SLC1A2: variants seen among roughly 807,000 people sequenced by gnomAD.
SLC1A2 encodes the protein solute carrier family 1 member 2.
SLC1A2 carries 15 observed loss-of-function variants against 48.8 expected under a neutral mutation model. The ratio of observed to expected loss-of-function variants is 0.31; its 90% CI spans 0.21 to 0.47. SLC1A2 has a LOEUF of 0.47. Among genes scored for constraint, SLC1A2 ranks in the 20% least tolerant of loss-of-function variants. The pLI is 0.99. For missense variants in SLC1A2, 502 were observed against 730.5 expected, an observed-to-expected ratio of 0.69 and a Z score of 3.61; for synonymous variants, 279 against 272.6, an observed-to-expected ratio of 1.02 and a Z score of -0.23.
rs767530111 is a variant in SLC1A2 at position 35,259,789 on chromosome 11, T to C, written c.*1105A>G. On this transcript the variant is annotated 3_prime_UTR_variant, in exon 11 of 11. Transcript: ENST00000278379. ...TGGTTTTATGTGCTTTGATAGAAGA[T>C]AACAAAACGCTTTCAACATATTGGA... 2.7e-4 allele frequency: 41 copies of C among 152,348 alleles called. No homozygotes were observed. Among genetic ancestry groups the C allele is most frequent in the Non-Finnish European group, 4.7e-4 (32 of 68,030 alleles). 9.4% of individuals were successfully genotyped at this position (152,348 alleles called of 1,614,324 possible). A position where few individuals can be genotyped will look rare whatever the true frequency, so the allele number is the denominator to read the frequency against.
chr11:35,277,292 A>G (rs969347125), intron 9 of SLC1A2, among the ~76,000 whole-genome samples: 3 of 152,142 alleles, frequency 2.0e-5, no homozygotes, highest in Admixed American at 6.5e-5. Flanking sequence ...ACTTAGTACA[A>G]ATTAGGAGGC....
chr11:35,284,641 G>A (rs1432084752), intron 8 of SLC1A2, among the ~76,000 whole-genome samples: 9 of 151,972 alleles, frequency 5.9e-5, no homozygotes, highest in Middle Eastern at 3.2e-3. Context: ...ATGCATATGG[G>A]ATATTCACTA....
intron 1 of SLC1A2, among the ~76,000 whole-genome samples, chr11:35,350,905 A>T (rs761287001): frequency 1.3e-5 from 2 of 152,160 alleles, no homozygotes; most frequent in Non-Finnish European, 1.5e-5. Context: ...TAAACTTTAA[A>T]TACACCTTCT....
At chr11:35,353,538 C>T (rs1269470582) in intron 1 of SLC1A2, among the ~76,000 whole-genome samples, 3 of 152,192 alleles carry the variant, frequency 2.0e-5, no homozygotes. Flanking sequence ...CTATTAAGAG[C>T]ACAATAGGGT....
intron 1 of SLC1A2, chr11:35,371,087 G>T (rs953321118): frequency 2.0e-6 from 2 of 976,778 alleles, no homozygotes; most frequent in Non-Finnish European, 2.4e-6. Flanking sequence ...TGTTCACTTT[G>T]GTCCAGCACC....
intron 1 of SLC1A2, among the ~76,000 whole-genome samples, chr11:35,378,660 T>G (rs888152087): frequency 1.3e-5 from 2 of 152,208 alleles, no homozygotes. Context: ...AAGCTCTCAA[T>G]TGGATTGATA....
chr11:35,284,981 A>G (rs1192141803), intron 8 of SLC1A2, among the ~76,000 whole-genome samples: 1 of 152,232 alleles, frequency 6.6e-6, no homozygotes, highest in East Asian at 1.9e-4. Flanking sequence ...GCTGTTGAAT[A>G]ACATGAACCA....
At chr11:35,363,201 A>G (rs1307525220) in intron 1 of SLC1A2, among the ~76,000 whole-genome samples, 2 of 152,170 alleles carry the variant, frequency 1.3e-5, no homozygotes, top group East Asian at 1.9e-4. Context: ...TGGGAAGTGG[A>G]GAAGCCAGGA....
At chr11:35,375,835 T>C (rs1242902038) in intron 1 of SLC1A2, among the ~76,000 whole-genome samples, 1 of 152,206 alleles carries the variant, frequency 6.6e-6, no homozygotes, top group African/African-American at 2.4e-5. Flanking sequence ...CACTTCATAC[T>C]TCTACTTGAT....
chr11:35,272,530 T>C (rs1024842682), intron 9 of SLC1A2, among the ~76,000 whole-genome samples: 1 of 152,182 alleles, frequency 6.6e-6, no homozygotes, highest in Non-Finnish European at 1.5e-5. Flanking sequence ...GCCAGGGGAA[T>C]GTCTGACCAA....
chr11:35,265,453 GTTTT>G, intron 10 of SLC1A2, 70 bp downstream of exon 10: 1 of 684,632 alleles, frequency 1.5e-6, no homozygotes, highest in Non-Finnish European at 2.5e-6. Flanking sequence ...GGGCTTTACG[GTTTT>G]TTTTTTTTTA....
intron 1 of SLC1A2, among the ~76,000 whole-genome samples, chr11:35,368,622 G>T (rs1853941457): frequency 6.6e-6 from 1 of 152,210 alleles, no homozygotes. Flanking sequence ...CTAAAAAGCA[G>T]CAAGGGTTGT....
chr11:35,358,094 G>A (rs1044132826), intron 1 of SLC1A2, among the ~76,000 whole-genome samples: 1 of 151,760 alleles, frequency 6.6e-6, no homozygotes, highest in Admixed American at 6.6e-5. Context: ...ACAGTGAGTC[G>A]AGATTGTGTC....
At chr11:35,300,962 C>A (rs1251686307) in intron 6 of SLC1A2, among the ~76,000 whole-genome samples, 1 of 152,082 alleles carries the variant, frequency 6.6e-6, no homozygotes, top group Non-Finnish European at 1.5e-5. Flanking sequence ...GAGGCCGAGC[C>A]TGCGATGAGC....
chr11:35,300,191 C>T (rs1851306205), intron 6 of SLC1A2, among the ~76,000 whole-genome samples: 1 of 152,190 alleles, frequency 6.6e-6, no homozygotes, highest in South Asian at 2.1e-4. Context: ...AAAAAACCTA[C>T]CTGCTTATGC....
At chr11:35,307,942 C>T (rs1851564056) in intron 4 of SLC1A2, among the ~76,000 whole-genome samples, 1 of 152,142 alleles carries the variant, frequency 6.6e-6, no homozygotes, top group African/African-American at 2.4e-5. Context: ...GCCCACTTCT[C>T]CCCTCAATGT....
intron 1 of SLC1A2, among the ~76,000 whole-genome samples, chr11:35,357,548 T>A (rs1165168603): frequency 6.6e-6 from 1 of 152,126 alleles, no homozygotes; most frequent in Non-Finnish European, 1.5e-5. Context: ...ACAAAGATGG[T>A]CATTTGCAAC....
chr11:35,333,133 G>C (rs1852483782), intron 1 of SLC1A2, among the ~76,000 whole-genome samples: 1 of 146,100 alleles, frequency 6.8e-6, no homozygotes. Context: ...GGTGCAGTGA[G>C]GGGGCACAGT....
intron 3 of SLC1A2, 100 bp from the exon 4 acceptor site, chr11:35,312,548 G>A (rs145358272): frequency 9.1e-6 from 12 of 1,312,630 alleles, no homozygotes; most frequent in Non-Finnish European, 1.3e-5. Context: ...ACTCAAATGT[G>A]TTAATGGTTG....
Sources: allele counts gnomAD v4.1 joint callset (sites outside exome capture counted in the v4.1 genomes callset), GRCh38; gene constraint gnomAD v4.1.1; transcripts MANE v1.5; gene names NCBI Gene and HGNC (gene_info 2026-07-23, HGNC 2026-07-21).